SGCZ: variants seen among roughly 807,000 people sequenced by gnomAD.
The protein encoded by SGCZ is sarcoglycan zeta.
In SGCZ, 40 loss-of-function variants were observed where a neutral mutation model predicts 41.3. The observed-to-expected ratio is 0.97, with a 90% CI of 0.75 to 1.26. The LOEUF (loss-of-function observed/expected upper bound fraction) is 1.26. Ranked by LOEUF, SGCZ falls within the 50% of genes most tolerant of loss-of-function variation. SGCZ has a pLI of 0.00. For missense variants in SGCZ, 552 were observed against 369.8 expected (o/e 1.49, Z -4.04); for synonymous variants, 206 against 137.5 (o/e 1.50, Z -3.49).
chr8:14,598,325 T>C (rs1314686018), intron 1 of SGCZ, among the ~76,000 whole-genome samples: 1 of 152,156 alleles, frequency 6.6e-6, no homozygotes, highest in Admixed American at 6.5e-5. Context: ...TATGTCGTTG[T>C]ATACATTCTT....
chr8:15,217,621 G>T (rs1475367698), intron 1 of SGCZ, among the ~76,000 whole-genome samples: 1 of 152,168 alleles, frequency 6.6e-6, no homozygotes, highest in Non-Finnish European at 1.5e-5. Flanking sequence ...GAAGGGACGA[G>T]ACTGGCGTGC....
intron 1 of SGCZ, among the ~76,000 whole-genome samples, chr8:14,847,171 GAAGAAGAAGAAGAA>G (rs1287747431): frequency 1.1e-4 from 16 of 143,544 alleles, no homozygotes; most frequent in African/African-American, 4.3e-4. Context: ...AGAAGAAGAA[GAAGAAGAAGAAGAA>G]GAGAAAAATA....
chr8:14,969,430 A>G (rs902523765), intron 1 of SGCZ, among the ~76,000 whole-genome samples: 1 of 152,062 alleles, frequency 6.6e-6, no homozygotes, highest in East Asian at 1.9e-4. Context: ...AAGCTTCGAC[A>G]TATCTATACA....
At chr8:15,207,974 T>C (rs763306873) in intron 1 of SGCZ, among the ~76,000 whole-genome samples, 1 of 152,234 alleles carries the variant, frequency 6.6e-6, no homozygotes, top group Non-Finnish European at 1.5e-5. Flanking sequence ...ATTTCCTTTG[T>C]TTGCTTAGCC....
rs752644769 is a variant in SGCZ at position 14,324,093 on chromosome 8, T to C, written c.336+10A>G. ...ATCTTTTAGAGTAAGCCAAAGCCAG[T>C]ATCACATACCTTTCGAGAATGAATT... On this transcript the variant is annotated intron_variant, in intron 3 of 7. Coordinates refer to ENST00000382080, the MANE Select transcript of SGCZ (RefSeq NM_139167.4). 6.3e-7 allele frequency: 1 copy of C among 1,584,470 alleles called. No homozygotes were observed. Among genetic ancestry groups the C allele is most frequent in the South Asian group, 1.1e-5 (1 of 90,392 alleles).
At chr8:14,771,984 T>G (rs2130395922) in intron 1 of SGCZ, among the ~76,000 whole-genome samples, 1 of 152,290 alleles carries the variant, frequency 6.6e-6, no homozygotes, top group South Asian at 2.1e-4. Flanking sequence ...TTACAATGGT[T>G]CAACTTGATG....
chr8:15,180,952 GAAC>G (rs1800157682), intron 1 of SGCZ, among the ~76,000 whole-genome samples: 1 of 150,938 alleles, frequency 6.6e-6, no homozygotes, highest in African/African-American at 2.4e-5. Context: ...TGGCAAACTA[GAAC>G]AACAAAGGAT....
At chr8:14,759,390 C>G (rs186032191) in intron 1 of SGCZ, among the ~76,000 whole-genome samples, 2 of 152,134 alleles carry the variant, frequency 1.3e-5, no homozygotes, top group South Asian at 4.2e-4. Flanking sequence ...TTTTCTCAAA[C>G]TTTAATTCTT....
chr8:14,383,357 C>T (rs572096385), intron 2 of SGCZ, among the ~76,000 whole-genome samples: 27 of 152,140 alleles, frequency 1.8e-4, no homozygotes, highest in African/African-American at 4.6e-4. Context: ...CACTACTTAA[C>T]GAAGTTTATA....
At chr8:14,694,099 T>C (rs552929860) in intron 1 of SGCZ, among the ~76,000 whole-genome samples, 59 of 152,282 alleles carry the variant, frequency 3.9e-4, no homozygotes, top group African/African-American at 1.3e-3. Flanking sequence ...GGAAATCATG[T>C]CTTAAAATTG....
At chr8:15,055,472 C>A (rs896373543) in intron 1 of SGCZ, among the ~76,000 whole-genome samples, 1 of 151,972 alleles carries the variant, frequency 6.6e-6, no homozygotes. Flanking sequence ...TGACTATGTA[C>A]GAATTTCAGG....
At chr8:14,974,542 G>A (rs571498485) in intron 1 of SGCZ, among the ~76,000 whole-genome samples, 78 of 152,140 alleles carry the variant, frequency 5.1e-4, no homozygotes, top group Non-Finnish European at 9.0e-4. Context: ...AGAGGTCTCT[G>A]AAAACTTCCA....
intron 3 of SGCZ, among the ~76,000 whole-genome samples, chr8:14,315,703 T>G (rs1293459166): frequency 6.6e-6 from 1 of 151,548 alleles, no homozygotes; most frequent in South Asian, 2.1e-4. Flanking sequence ...CAGAAAATAT[T>G]GAAAACAGAA....
At chr8:14,854,215 C>G (rs1411033441) in intron 1 of SGCZ, among the ~76,000 whole-genome samples, 1 of 151,378 alleles carries the variant, frequency 6.6e-6, no homozygotes, top group Non-Finnish European at 1.5e-5. Context: ...AATGCAGTAA[C>G]TTTTGACTTG....
chr8:15,232,689 A>ATATG (rs1554482343), intron 1 of SGCZ, among the ~76,000 whole-genome samples: 5 of 122,614 alleles, frequency 4.1e-5, no homozygotes, highest in African/African-American at 1.4e-4. Flanking sequence ...ATATATATAT[A>ATATG]TGTGTGTATA....
intron 2 of SGCZ, among the ~76,000 whole-genome samples, chr8:14,553,122 C>A (rs145366874): frequency 2.0e-5 from 3 of 151,902 alleles, no homozygotes; most frequent in African/African-American, 7.3e-5. Context: ...TTGCTCCTAC[C>A]ATACGATAAA....
chr8:15,136,704 G>A (rs1397618392), intron 1 of SGCZ, among the ~76,000 whole-genome samples: 1 of 152,106 alleles, frequency 6.6e-6, no homozygotes, highest in East Asian at 1.9e-4. Flanking sequence ...CCTGTGAAGA[G>A]GTGCCTTTAA....
chr8:14,312,472 T>C (rs891211084), intron 3 of SGCZ, among the ~76,000 whole-genome samples: 4 of 152,124 alleles, frequency 2.6e-5, no homozygotes, highest in African/African-American at 9.7e-5. Flanking sequence ...GGCTTCATTA[T>C]AAGAAATAAT....
chr8:14,359,564 A>G (rs1435029490), intron 2 of SGCZ, among the ~76,000 whole-genome samples: 1 of 152,170 alleles, frequency 6.6e-6, no homozygotes, highest in Non-Finnish European at 1.5e-5. Context: ...CTTAAAATAA[A>G]TATCAAGATA....
Sources: allele counts gnomAD v4.1 joint callset (sites outside exome capture counted in the v4.1 genomes callset), GRCh38; gene constraint gnomAD v4.1.1; transcripts MANE v1.5; gene names NCBI Gene and HGNC (gene_info 2026-07-23, HGNC 2026-07-21).